The following TMEM131 variants were observed in gnomAD, a reference collection of about 807,000 sequenced individuals.
TMEM131 encodes 2610524E03Rik.
TMEM131 carries 66 observed loss-of-function variants against 211.6 expected under a neutral mutation model. The observed-to-expected ratio is 0.31, with a 90% confidence interval of 0.26 to 0.38. The LOEUF (loss-of-function observed/expected upper bound fraction) is 0.38, where lower values mean the gene tolerates loss of function less well. Among genes scored for constraint, TMEM131 ranks in the 10% least tolerant of loss-of-function variants. TMEM131 has a pLI of 1.00. For synonymous variants in TMEM131, 844 were observed against 841.3 expected (o/e 1.00, Z -0.06); for missense variants, 2,036 against 2,299.3 (o/e 0.89, Z 2.34).
intron 11 of TMEM131, among the ~76,000 whole-genome samples, chr2:97,820,477 T>A (rs1682057453): frequency 6.6e-6 from 1 of 152,176 alleles, no homozygotes; most frequent in African/African-American, 2.4e-5. Flanking sequence ...TCCAGTGGCA[T>A]CACTTTATGC....
intron 4 of TMEM131, among the ~76,000 whole-genome samples, chr2:97,859,815 A>G (rs1013374876): frequency 2.6e-5 from 4 of 152,196 alleles, no homozygotes; most frequent in Admixed American, 2.6e-4. Flanking sequence ...AGGAGCAGAA[A>G]CTGAGTAGCA....
chr2:97,840,503 T>C (rs1282924578), intron 7 of TMEM131, among the ~76,000 whole-genome samples: 1 of 152,176 alleles, frequency 6.6e-6, no homozygotes, highest in Admixed American at 6.5e-5. Flanking sequence ...GGCAGGAGGA[T>C]TGCTTGAGGC....
intron 1 of TMEM131, among the ~76,000 whole-genome samples, chr2:97,943,114 T>C (rs1014950398): frequency 7.5e-5 from 11 of 145,878 alleles, no homozygotes; most frequent in Non-Finnish European, 1.7e-4. Flanking sequence ...CTGGGTGTGG[T>C]GGTGCATGCC....
intron 2 of TMEM131, 85 bp downstream of exon 2, chr2:97,927,341 A>C: frequency 9.6e-7 from 1 of 1,039,314 alleles, no homozygotes; most frequent in South Asian, 1.9e-5. Context: ...TATTTCAGAT[A>C]AACCAATTAC....
At position 97,793,572 on chromosome 2, in the gene TMEM131, T is replaced by A. The variant is rs747840892; in HGVS notation, c.3387-19A>T. The A allele has an allele frequency of 1.9e-6, 3 of 1,574,754 alleles. No individual in the cohort carries two copies. The highest frequency in any genetic ancestry group is 2.6e-6 in the Non-Finnish European group (3 of 1,161,118). On this transcript the variant is annotated intron_variant, in intron 29 of 40. Transcript: ENST00000186436. Reference sequence around the variant, plus strand: ...CAGTGCACTGCAGGGGTAAAAAAAATTGGAAAATCAGGATTCATTTGTTAG... The same window carrying A: ...CAGTGCACTGCAGGGGTAAAAAAAAATGGAAAATCAGGATTCATTTGTTAG...
intron 1 of TMEM131, among the ~76,000 whole-genome samples, chr2:97,964,655 C>A (rs780422558): frequency 6.6e-6 from 1 of 152,142 alleles, no homozygotes; most frequent in Non-Finnish European, 1.5e-5. Context: ...AAAAACACAT[C>A]GAAACAGAAA....
At chr2:97,917,219 C>T (rs1432036842) in intron 2 of TMEM131, among the ~76,000 whole-genome samples, 3 of 152,152 alleles carry the variant, frequency 2.0e-5, no homozygotes, top group Non-Finnish European at 4.4e-5. Flanking sequence ...TTTCACACTA[C>T]GATGACCAAA....
intron 1 of TMEM131, among the ~76,000 whole-genome samples, chr2:97,972,493 C>G (rs912919143): frequency 6.7e-6 from 1 of 148,974 alleles, no homozygotes; most frequent in Admixed American, 6.7e-5. Flanking sequence ...GGAAGGCGGG[C>G]AGGCAGGCGG....
At chr2:97,841,473 T>C (rs551897149) in intron 7 of TMEM131, among the ~76,000 whole-genome samples, 1 of 152,302 alleles carries the variant, frequency 6.6e-6, no homozygotes, top group South Asian at 2.1e-4. Flanking sequence ...ACATGGATAT[T>C]GGGCCAGAAA....
At chr2:97,916,237 C>T (rs1003197908) in intron 2 of TMEM131, among the ~76,000 whole-genome samples, 1 of 152,180 alleles carries the variant, frequency 6.6e-6, no homozygotes, top group Non-Finnish European at 1.5e-5. Context: ...TCTGAACCCG[C>T]TATTTATTCT....
intron 19 of TMEM131, among the ~76,000 whole-genome samples, chr2:97,808,740 A>G (rs1341377264): frequency 2.0e-5 from 3 of 152,204 alleles, no homozygotes; most frequent in African/African-American, 7.2e-5. Context: ...GGAAATATTT[A>G]TAGCACAATA....
chr2:97,881,794 C>T (rs1183389774), intron 4 of TMEM131, among the ~76,000 whole-genome samples: 6 of 148,576 alleles, frequency 4.0e-5, no homozygotes, highest in Non-Finnish European at 8.9e-5. Flanking sequence ...TTCTGTATTA[C>T]AGTATTCTAA....
intron 31 of TMEM131, among the ~76,000 whole-genome samples, chr2:97,779,806 G>C (rs1230797901): frequency 6.6e-6 from 1 of 152,188 alleles, no homozygotes; most frequent in Non-Finnish European, 1.5e-5. Flanking sequence ...CTTGAGGCCA[G>C]GTGTTCCAGA....
intron 5 of TMEM131, among the ~76,000 whole-genome samples, chr2:97,851,498 G>A (rs897088829): frequency 9.2e-5 from 14 of 152,172 alleles, no homozygotes; most frequent in African/African-American, 3.4e-4. Context: ...GCACTTCGCA[G>A]GTACTGCAGT....
chr2:97,859,678 A>G (rs569999491), intron 4 of TMEM131, among the ~76,000 whole-genome samples: 2 of 152,366 alleles, frequency 1.3e-5, no homozygotes, highest in Admixed American at 1.3e-4. Flanking sequence ...CCTGAGGCTC[A>G]GAACCCAGTG....
chr2:97,796,759 A>T, intron 27 of TMEM131, 85 bp downstream of exon 27: 4 of 1,380,506 alleles, frequency 2.9e-6, no homozygotes, highest in Non-Finnish European at 3.0e-6. Context: ...AGGTGCACAT[A>T]CAGAAATAAT....
chr2:97,789,725 T>C (rs992486653), intron 31 of TMEM131, among the ~76,000 whole-genome samples: 1 of 152,216 alleles, frequency 6.6e-6, no homozygotes, highest in African/African-American at 2.4e-5. Flanking sequence ...CACGGCTTTC[T>C]TGGGTTTTAG....
intron 4 of TMEM131, among the ~76,000 whole-genome samples, chr2:97,865,858 A>G (rs1048816212): frequency 1.3e-5 from 2 of 152,114 alleles, no homozygotes; most frequent in Non-Finnish European, 2.9e-5. Flanking sequence ...AGCTATGTGG[A>G]GCAGGGCTTG....
At chr2:97,884,535 C>T (rs964504796) in intron 4 of TMEM131, among the ~76,000 whole-genome samples, 20 of 152,194 alleles carry the variant, frequency 1.3e-4, no homozygotes, top group African/African-American at 4.8e-4. Flanking sequence ...ATCCCCAACT[C>T]TATTATTGTA....
Sources: gnomAD v4.1 joint callset for allele counts (sites outside exome capture counted in the v4.1 genomes callset) on GRCh38, gnomAD v4.1.1 for gene constraint, MANE v1.5 for transcripts, NCBI Gene and HGNC (gene_info 2026-07-23, HGNC 2026-07-21) for gene names.